SLC38A11: variants seen among roughly 807,000 people sequenced by gnomAD.
The protein encoded by SLC38A11 is putative sodium-coupled neutral amino acid transporter 11.
In SLC38A11, 51 loss-of-function variants were observed where a neutral mutation model predicts 49.4. The ratio of observed to expected loss-of-function variants is 1.03; its 90% CI spans 0.83 to 1.30. The LOEUF (loss-of-function observed/expected upper bound fraction) is 1.30, where lower values mean the gene tolerates loss of function less well. Ranked by LOEUF, SLC38A11 falls within the 50% of genes most tolerant of loss-of-function variation. The pLI, the probability that SLC38A11 is intolerant of heterozygous loss-of-function variation, is 0.00. For synonymous variants in SLC38A11, 203 were observed against 192.9 expected (o/e 1.05, Z -0.43); for missense variants, 574 against 556.2 (o/e 1.03, Z -0.32).
intron 11 of SLC38A11, among the ~76,000 whole-genome samples, chr2:164,903,405 A>T (rs907233806): frequency 1.3e-5 from 2 of 152,184 alleles, no homozygotes; most frequent in African/African-American, 2.4e-5. Flanking sequence ...TATTTATGTT[A>T]TAATTCTTAA....
chr2:164,910,056 T>C (rs1335822376), intron 10 of SLC38A11, among the ~76,000 whole-genome samples: 1 of 152,084 alleles, frequency 6.6e-6, no homozygotes, highest in Admixed American at 6.6e-5. Flanking sequence ...AGTGCTTTTA[T>C]GAATTGAAAC....
chr2:164,922,737 G>T (rs1437802386), intron 7 of SLC38A11, among the ~76,000 whole-genome samples: 1 of 152,034 alleles, frequency 6.6e-6, no homozygotes, highest in Non-Finnish European at 1.5e-5. Flanking sequence ...TATGAAATTC[G>T]TATGGAATGA....
At chr2:164,920,050 T>A (rs939432841) in intron 7 of SLC38A11, among the ~76,000 whole-genome samples, 3 of 151,770 alleles carry the variant, frequency 2.0e-5, no homozygotes, top group African/African-American at 7.3e-5. Context: ...CTGAGGGAGG[T>A]GGGTCACAAG....
At chr2:164,925,916 C>G (rs1475066416) in intron 7 of SLC38A11, among the ~76,000 whole-genome samples, 1 of 152,108 alleles carries the variant, frequency 6.6e-6, no homozygotes, top group East Asian at 1.9e-4. Flanking sequence ...GGCCATCTAC[C>G]CATATAGTTC....
chr2:164,916,221 T>C (rs1438816887), intron 7 of SLC38A11, among the ~76,000 whole-genome samples: 1 of 152,122 alleles, frequency 6.6e-6, no homozygotes, highest in Non-Finnish European at 1.5e-5. Flanking sequence ...ATGTAAAATA[T>C]CCAGACTATG....
Position 164,915,139 on chromosome 2 carries a change from A to G in SLC38A11, c.823T>C (p.Tyr275His), listed in dbSNP as rs188619343. 11 of 1,609,528 alleles carry G rather than the reference A, an allele frequency of 6.8e-6. No individual in the cohort carries two copies. In the South Asian group the frequency reaches 7.8e-5, roughly 11 times the overall value. ...FICIFFATCG[Y>H]LTFTGFTQGD... ...TGGGTGAAGCCAGTAAATGTCAAGT[A>G]TCCACATGTAGCAAAGAATATACAG... Residue 275 changes from tyrosine to histidine, a missense_variant, in exon 9 of 12, where the codon TAC becomes CAC. Coordinates refer to ENST00000685975, the MANE Select transcript of SLC38A11 (RefSeq NM_001351537.2).
chr2:164,908,621 A>G lies in SLC38A11; in HGVS notation c.1095+19T>C. On this transcript the variant is annotated intron_variant, in intron 11 of 11. Transcript: ENST00000685975. ...AAGAGAATTTTAGAGTGAAGGGGTA[A>G]ATCTTTGCACGTACTCACATTGAGT... 1 of 1,486,360 alleles carries G rather than the reference A, an allele frequency of 6.7e-7. No individual in the cohort carries two copies. Among genetic ancestry groups the G allele is most frequent in the Non-Finnish European group, 9.0e-7 (1 of 1,109,652 alleles). 92.1% of individuals were successfully genotyped at this position (1,486,360 alleles called of 1,614,324 possible).
At chr2:164,904,654 A>G (rs1353206578) in intron 11 of SLC38A11, among the ~76,000 whole-genome samples, 1 of 152,216 alleles carries the variant, frequency 6.6e-6, no homozygotes, top group Non-Finnish European at 1.5e-5. Flanking sequence ...AAATTACTAC[A>G]ATTACTAAGA....
intron 7 of SLC38A11, among the ~76,000 whole-genome samples, chr2:164,921,560 G>A (rs1189223909): frequency 1.3e-5 from 2 of 151,882 alleles, no homozygotes; most frequent in East Asian, 1.9e-4. Flanking sequence ...TGAACCACTG[G>A]TCTAAGGGAT....
In SLC38A11 at chr2:164,908,635, C is replaced by T. The variant is rs1343917546; in HGVS notation, c.1095+5G>A. 1 of 1,531,390 alleles carries T rather than the reference C, an allele frequency of 6.5e-7. No homozygotes were observed. Among genetic ancestry groups the T allele is most frequent in the South Asian group, 1.3e-5 (1 of 77,954 alleles). 94.9% of individuals were successfully genotyped at this position (1,531,390 alleles called of 1,614,324 possible). ...GTGAAGGGGTAAATCTTTGCACGTA[C>T]TCACATTGAGTTCTAGAACTATCCC... is the stretch of plus-strand genomic sequence containing the variant. On this transcript the variant is annotated splice_donor_5th_base_variant and intron_variant, in intron 11 of 11. Transcript: ENST00000685975.
chr2:164,935,519 A>AG (rs1458087694), intron 7 of SLC38A11, among the ~76,000 whole-genome samples: 18 of 150,464 alleles, frequency 1.2e-4, no homozygotes, highest in African/African-American at 3.7e-4. Flanking sequence ...AAAAAAAAAA[A>AG]AAAGAAAGAA....
At position 164,923,656 on chromosome 2, in the gene SLC38A11, G is replaced by C. The variant is rs578240184; in HGVS notation, c.618-7683C>G. ...ACAAAATAAAAAAAAAATTAGCCAC[G>C]CGTGGTGGTGCACACCTGTAGTCCC... On this transcript the variant is annotated intron_variant, in intron 7 of 11. Transcript: ENST00000685975. 6.6e-4 allele frequency among the ~76,000 whole-genome samples: 101 copies of C among 152,024 alleles called. 1 individual carries two copies. Among genetic ancestry groups the C allele is most frequent in the Non-Finnish European group, 1.3e-3 (86 of 67,950 alleles).
chr2:164,922,881 AG>A (rs1686308945), intron 7 of SLC38A11, among the ~76,000 whole-genome samples: 1 of 152,200 alleles, frequency 6.6e-6, no homozygotes, highest in Admixed American at 6.5e-5. Context: ...ACAGACACAT[AG>A]ACCAATGGAA....
In SLC38A11 at chr2:164,895,749, G is replaced by C. The variant is rs1684368118; in HGVS notation, c.*2688C>G. ...TAGCTTCCAAGATCAGATGAGATCT[G>C]GTGCGTTCAGGAAGGTATGGTCATA... is the stretch of plus-strand genomic sequence containing the variant. On this transcript the variant is annotated 3_prime_UTR_variant, in exon 12 of 12. Transcript: ENST00000685975. 6.6e-6 allele frequency: 1 copy of C among 152,108 alleles called. No homozygotes were observed. The highest frequency in any genetic ancestry group is 2.4e-5 in the African/African-American group (1 of 41,432). 9.4% of individuals were successfully genotyped at this position (152,108 alleles called of 1,614,324 possible).
At chr2:164,940,228 T>TATATA (rs1687667247) in intron 5 of SLC38A11, among the ~76,000 whole-genome samples, 1 of 142,228 alleles carries the variant, frequency 7.0e-6, no homozygotes, top group Non-Finnish European at 1.5e-5. Flanking sequence ...ATAGAAAATT[T>TATATA]TATATATATA....
At chr2:164,946,301 CT>C (rs1688101577) in intron 3 of SLC38A11, among the ~76,000 whole-genome samples, 1 of 152,068 alleles carries the variant, frequency 6.6e-6, no homozygotes, top group Non-Finnish European at 1.5e-5. Flanking sequence ...GGCGCAGTGG[CT>C]CACGCTTGTA....
At chr2:164,941,971 A>C (rs1464297393) in intron 5 of SLC38A11, among the ~76,000 whole-genome samples, 1 of 152,144 alleles carries the variant, frequency 6.6e-6, no homozygotes, top group East Asian at 1.9e-4. Flanking sequence ...AGGAAGAGGA[A>C]AAACAGGAGG....
intron 7 of SLC38A11, among the ~76,000 whole-genome samples, chr2:164,925,602 A>G (rs1686517394): frequency 6.6e-6 from 1 of 152,132 alleles, no homozygotes; most frequent in South Asian, 2.1e-4. Flanking sequence ...AAAATATACT[A>G]TATATTTTTT....
At chr2:164,946,824 A>G (rs1427652257) in intron 3 of SLC38A11, among the ~76,000 whole-genome samples, 2 of 152,090 alleles carry the variant, frequency 1.3e-5, no homozygotes, top group Non-Finnish European at 2.9e-5. Flanking sequence ...CCATTGCAAT[A>G]TGGTTTCCCC....
Sources: allele counts gnomAD v4.1 joint callset (sites outside exome capture counted in the v4.1 genomes callset), GRCh38; gene constraint gnomAD v4.1.1; transcripts MANE v1.5; gene names NCBI Gene and HGNC (gene_info 2026-07-23, HGNC 2026-07-21).